ZNF469: variants seen among roughly 807,000 people sequenced by gnomAD.
ZNF469 encodes zinc finger protein 469.
A neutral mutation model predicts 1.0 loss-of-function variants in ZNF469; 1 was observed. The observed-to-expected ratio is 1.00, with a 90% CI of 0.35 to 4.73. The LOEUF (loss-of-function observed/expected upper bound fraction) is 4.73. Among genes scored for constraint, ZNF469 ranks in the 30% most tolerant of loss-of-function variants. ZNF469 has a pLI of 0.16. For missense variants in ZNF469, 6,100 were observed against 5,356.3 expected, an observed-to-expected ratio of 1.14 and a Z score of -4.33; for synonymous variants, 2,703 against 2,363.4, an observed-to-expected ratio of 1.14 and a Z score of -4.17.
chr16:88,195,293 G>C, the ZNF469 span: 1 of 152,354 alleles, frequency 6.6e-6, no homozygotes, highest in African/African-American at 2.4e-5. Context: ...GGCGGCCCAG[G>C]GGGTGACAGG....
At chr16:88,126,913 G>A in the ZNF469 span, among the ~76,000 whole-genome samples, 16 of 151,986 alleles carry the variant, frequency 1.1e-4, no homozygotes, top group Non-Finnish European at 1.9e-4. Flanking sequence ...TCTGTCCCCC[G>A]GGTTCAAGTG....
intron 1 of ZNF469, among the ~76,000 whole-genome samples, chr16:88,388,565 T>C (rs1285026185): frequency 6.6e-6 from 1 of 152,228 alleles, no homozygotes; most frequent in African/African-American, 2.4e-5. Flanking sequence ...ACTGGGAGGC[T>C]ACAGAATGGA....
chr16:88,221,398 TG>T, the ZNF469 span, among the ~76,000 whole-genome samples: 11 of 152,210 alleles, frequency 7.2e-5, no homozygotes, highest in African/African-American at 2.7e-4. Context: ...ACTTCCTCTC[TG>T]CTCCAACTAT....
At chr16:88,274,943 T>G in the ZNF469 span, among the ~76,000 whole-genome samples, 3 of 152,190 alleles carry the variant, frequency 2.0e-5, no homozygotes, top group Admixed American at 2.0e-4. Flanking sequence ...GTATACACGC[T>G]TGGACACTCG....
In ZNF469 at chr16:88,424,299, A is replaced by G. The variant is rs1172660548; in HGVS notation, c.-191-508A>G. 6.6e-6 allele frequency among the ~76,000 whole-genome samples: 1 copy of G among 152,158 alleles called. No homozygotes were observed. Among genetic ancestry groups the G allele is most frequent in the Non-Finnish European group, 1.5e-5 (1 of 68,014 alleles). On this transcript the variant is annotated intron_variant, in intron 1 of 2. Transcript: ENST00000565624. This position sits in a 1 kb window ranked among gnomAD's most constrained non-coding sequence, Gnocchi z 4.3. ...AAAAAAGGTCAGGTGCAGAACAGTGAGCGTAGCCGACGATCTTCTGTTGAA... is the reference window on the plus strand; with the variant it reads ...AAAAAAGGTCAGGTGCAGAACAGTGGGCGTAGCCGACGATCTTCTGTTGAA...
chr16:88,418,118 C>A (rs963730038), intron 1 of ZNF469, among the ~76,000 whole-genome samples: 2 of 152,204 alleles, frequency 1.3e-5, no homozygotes, highest in Non-Finnish European at 2.9e-5. Context: ...TCCTGAGCAC[C>A]AACTCCCTGC....
upstream of ZNF469, among the ~76,000 whole-genome samples, chr16:88,382,749 T>C (rs2092528399): frequency 6.6e-6 from 1 of 152,210 alleles, no homozygotes; most frequent in South Asian, 2.1e-4. Context: ...GAATGCAGCG[T>C]TTCCGTCTCA....
At chr16:88,337,201 C>T in the ZNF469 span, among the ~76,000 whole-genome samples, 183 of 152,328 alleles carry the variant, frequency 1.2e-3, no homozygotes, top group Middle Eastern at 3.4e-3. Context: ...TGGTGGCTCC[C>T]ACCATTCCCG....
the ZNF469 span, among the ~76,000 whole-genome samples, chr16:88,107,720 T>G: frequency 6.6e-6 from 1 of 152,148 alleles, no homozygotes; most frequent in Admixed American, 6.5e-5. Context: ...CCCTGGGACA[T>G]AGACGCGGAG....
Position 88,436,916 on chromosome 16 carries a change from T to A in ZNF469, c.9446T>A (p.Val3149Glu). Residue 3149 changes from valine (V) to glutamate (E), a missense_variant, in exon 3 of 3, where the codon GTG becomes GAG. By Grantham distance (121) the Val-to-Glu change is moderately radical (BLOSUM62 -2). Coordinates refer to ENST00000565624, the MANE Select transcript of ZNF469 (RefSeq NM_001367624.2). Reference protein sequence around the residue: ...PAPPPTCYMCVERRFGSRELL... With the variant: ...PAPPPTCYMCEERRFGSRELL... ...CCGCCGCCCACCTGCTACATGTGCG[T>A]GGAGCGCAGGTTTGGCTCGCGGGAG... The A allele has an allele frequency of 6.7e-7, 1 of 1,500,506 alleles. No homozygotes were observed. Among genetic ancestry groups the A allele is most frequent in the Non-Finnish European group, 8.9e-7 (1 of 1,126,388 alleles). The allele number at this position is 1,500,506 out of a possible 1,614,324, so 92.9% of individuals were successfully genotyped here.
chr16:88,313,839 G>A, the ZNF469 span, among the ~76,000 whole-genome samples: 2 of 151,038 alleles, frequency 1.3e-5, no homozygotes, highest in African/African-American at 2.4e-5. Context: ...GGTGTGGGCT[G>A]TCTCTGTAAT....
the ZNF469 span, among the ~76,000 whole-genome samples, chr16:88,129,012 A>G: frequency 1.3e-5 from 2 of 152,258 alleles, no homozygotes; most frequent in Non-Finnish European, 2.9e-5. Flanking sequence ...TTTGCGTTGA[A>G]TGATGGCGCT....
chr16:88,197,607 T>C, the ZNF469 span, among the ~76,000 whole-genome samples: 125,559 of 152,122 alleles, frequency 0.83, 52,276 homozygotes, highest in Middle Eastern at 0.9. Context: ...CAGCAGCTGC[T>C]GCCTCAACAC....
At chr16:88,204,720 C>T in the ZNF469 span, among the ~76,000 whole-genome samples, 6 of 152,332 alleles carry the variant, frequency 3.9e-5, no homozygotes, top group East Asian at 5.8e-4. Flanking sequence ...CAGCCGTCTC[C>T]GCTGTGGTCT....
At chr16:88,228,169 C>T in the ZNF469 span, among the ~76,000 whole-genome samples, 1 of 152,268 alleles carries the variant, frequency 6.6e-6, no homozygotes, top group Admixed American at 6.5e-5. Flanking sequence ...TGCAGGAAGA[C>T]GTGGCTTTGG....
chr16:88,307,447 T>C, the ZNF469 span, among the ~76,000 whole-genome samples: 1 of 152,226 alleles, frequency 6.6e-6, no homozygotes, highest in African/African-American at 2.4e-5. Flanking sequence ...TTGCCACATC[T>C]TACATTCCCA....
the ZNF469 span, among the ~76,000 whole-genome samples, chr16:88,373,232 C>A: frequency 6.6e-6 from 1 of 152,246 alleles, no homozygotes; most frequent in South Asian, 2.1e-4. Flanking sequence ...TGGCAACTGA[C>A]AGGGCTCCTC....
chr16:88,247,870 C>T, the ZNF469 span, among the ~76,000 whole-genome samples: 2 of 152,228 alleles, frequency 1.3e-5, no homozygotes, highest in African/African-American at 4.8e-5. Flanking sequence ...AACCCAGCTC[C>T]CATGGTTGGG....
chr16:88,241,224 T>G, the ZNF469 span, among the ~76,000 whole-genome samples: 1 of 152,074 alleles, frequency 6.6e-6, no homozygotes, highest in Admixed American at 6.6e-5. This position sits in a 1 kb window ranked among gnomAD's most constrained non-coding sequence, Gnocchi z 4.8. Flanking sequence ...CTAAGTGTCA[T>G]GGCACGCACC....
Sources: allele counts gnomAD v4.1 joint callset (sites outside exome capture counted in the v4.1 genomes callset), GRCh38; gene constraint gnomAD v4.1.1; non-coding constraint Gnocchi (gnomAD v3.1); transcripts MANE v1.5; gene names NCBI Gene and HGNC (gene_info 2026-07-23, HGNC 2026-07-21).